SPAG16: variants seen among roughly 807,000 people sequenced by gnomAD.
SPAG16 encodes the protein sperm-associated antigen 16 protein.
In SPAG16, 86 loss-of-function variants were observed where a neutral mutation model predicts 80.4. The ratio of observed to expected loss-of-function variants is 1.07; its 90% CI spans 0.90 to 1.28. The LOEUF (loss-of-function observed/expected upper bound fraction) is 1.28. Ranked by LOEUF, SPAG16 falls within the 50% of genes most tolerant of loss-of-function variation. The pLI is 0.00. For synonymous variants in SPAG16, 294 were observed against 265.9 expected (o/e 1.11, Z -1.03); for missense variants, 870 against 765.3 (o/e 1.14, Z -1.61).
intron 4 of SPAG16, among the ~76,000 whole-genome samples, chr2:213,312,307 T>C (rs1255495622): frequency 6.6e-6 from 1 of 151,704 alleles, no homozygotes; most frequent in Non-Finnish European, 1.5e-5. Flanking sequence ...TTTATATGCC[T>C]ATTTTAGAAT....
chr2:213,735,558 C>T (rs1159265467), intron 10 of SPAG16, among the ~76,000 whole-genome samples: 1 of 152,068 alleles, frequency 6.6e-6, no homozygotes, highest in African/African-American at 2.4e-5. Context: ...TGGTATCCAG[C>T]CATTAGTCAA....
chr2:213,352,385 A>G (rs961683554), intron 7 of SPAG16, among the ~76,000 whole-genome samples: 3 of 152,062 alleles, frequency 2.0e-5, no homozygotes, highest in Non-Finnish European at 2.9e-5. Flanking sequence ...TTTATTCTAT[A>G]TCCTGAGGTA....
intron 10 of SPAG16, among the ~76,000 whole-genome samples, chr2:213,704,776 G>A (rs1311572755): frequency 6.6e-6 from 1 of 152,196 alleles, no homozygotes; most frequent in East Asian, 1.9e-4. Context: ...GCATTGAAGA[G>A]TTATTGGAGA....
At chr2:214,400,803 C>A (rs916230208) in intron 15 of SPAG16, among the ~76,000 whole-genome samples, 1 of 152,000 alleles carries the variant, frequency 6.6e-6, no homozygotes, top group Non-Finnish European at 1.5e-5. Context: ...AATCTGTTGA[C>A]TAGAGCTCTG....
intron 10 of SPAG16, among the ~76,000 whole-genome samples, chr2:213,521,828 C>T (rs2075683629): frequency 6.6e-6 from 1 of 152,138 alleles, no homozygotes; most frequent in South Asian, 2.1e-4. Flanking sequence ...TATGTGTTAC[C>T]ATTACAAATG....
chr2:213,380,489 G>A (rs142273339), intron 9 of SPAG16, among the ~76,000 whole-genome samples: 1 of 152,220 alleles, frequency 6.6e-6, no homozygotes, highest in African/African-American at 2.4e-5. Context: ...GTGCCTTCGG[G>A]ACCTGCTTGA....
intron 9 of SPAG16, among the ~76,000 whole-genome samples, chr2:213,376,947 C>A (rs1394901965): frequency 6.6e-6 from 1 of 152,136 alleles, no homozygotes; most frequent in African/African-American, 2.4e-5. Context: ...CTCTCTTCTA[C>A]TTCATTGGCT....
At chr2:213,976,048 C>T (rs1007224359) in intron 12 of SPAG16, among the ~76,000 whole-genome samples, 10 of 149,600 alleles carry the variant, frequency 6.7e-5, no homozygotes, top group African/African-American at 2.5e-4. Context: ...CAGCTTCATA[C>T]AGCTTCTCAT....
chr2:214,043,023 T>G (rs1362600790), intron 13 of SPAG16, among the ~76,000 whole-genome samples: 2 of 152,036 alleles, frequency 1.3e-5, no homozygotes, highest in African/African-American at 4.8e-5. Flanking sequence ...ATATTCAAGC[T>G]TTACTAAATA....
intron 13 of SPAG16, among the ~76,000 whole-genome samples, chr2:214,034,732 A>C (rs2048596867): frequency 6.6e-6 from 1 of 152,206 alleles, no homozygotes. Flanking sequence ...TGGAAGCTTT[A>C]AGATGCCAGG....
rs188790946 is a variant in SPAG16, at chr2:213,710,900, C to T, written c.1071-151585C>T. ...CATTTACTAATGAGCATATTGTTTC[C>T]TCATCACATGCTAGGCAAACAGAAA... On this transcript the variant is annotated intron_variant, in intron 10 of 15. Coordinates refer to ENST00000331683, the MANE Select transcript of SPAG16 (RefSeq NM_024532.5). 2.2e-3 allele frequency among the ~76,000 whole-genome samples: 328 copies of T among 152,190 alleles called. 1 individual carries two copies. Among genetic ancestry groups the T allele is most frequent in the South Asian group, 0.02 (97 of 4,828 alleles).
intron 10 of SPAG16, among the ~76,000 whole-genome samples, chr2:213,738,475 T>G (rs537341391): frequency 5.9e-5 from 9 of 152,314 alleles, no homozygotes; most frequent in Non-Finnish European, 1.3e-4. Flanking sequence ...ACTAATTTAT[T>G]TCATAACAGT....
intron 13 of SPAG16, among the ~76,000 whole-genome samples, chr2:214,090,883 T>A (rs2052142756): frequency 6.6e-6 from 1 of 152,062 alleles, no homozygotes; most frequent in South Asian, 2.1e-4. Context: ...TTAAAGGCAT[T>A]CTATAAATAT....
At chr2:213,930,831 C>T (rs1161857345) in intron 12 of SPAG16, among the ~76,000 whole-genome samples, 1 of 152,110 alleles carries the variant, frequency 6.6e-6, no homozygotes, top group Admixed American at 6.5e-5. Context: ...ATCAAATATG[C>T]TAATTCCTTC....
At chr2:213,652,654 A>AT (rs1005321774) in intron 10 of SPAG16, among the ~76,000 whole-genome samples, 1 of 152,020 alleles carries the variant, frequency 6.6e-6, no homozygotes, top group Non-Finnish European at 1.5e-5. Flanking sequence ...TATATCAGAC[A>AT]TTTTTTTCAT....
intron 12 of SPAG16, among the ~76,000 whole-genome samples, chr2:213,993,623 A>G (rs537189681): frequency 5.4e-4 from 82 of 152,318 alleles, no homozygotes; most frequent in African/African-American, 1.8e-3. Context: ...TAGCTTTTTA[A>G]GAAAGATTTG....
intron 4 of SPAG16, among the ~76,000 whole-genome samples, chr2:213,314,951 T>G (rs1189631846): frequency 6.6e-6 from 1 of 151,850 alleles, no homozygotes; most frequent in Non-Finnish European, 1.5e-5. Flanking sequence ...CAGGATATTC[T>G]ATGGGGGGGT....
At chr2:213,910,970 T>C (rs908787519) in intron 11 of SPAG16, among the ~76,000 whole-genome samples, 53 of 152,154 alleles carry the variant, frequency 3.5e-4, no homozygotes, top group African/African-American at 1.3e-3. Context: ...CCAAGTCTTC[T>C]TGCTTCTACA....
At chr2:213,572,944 G>T (rs150763337) in intron 10 of SPAG16, among the ~76,000 whole-genome samples, 1 of 152,172 alleles carries the variant, frequency 6.6e-6, no homozygotes, top group African/African-American at 2.4e-5. Context: ...CTCATGGTTC[G>T]CCGCTTTTTA....
Sources: gnomAD v4.1 joint callset for allele counts (sites outside exome capture counted in the v4.1 genomes callset) on GRCh38, gnomAD v4.1.1 for gene constraint, MANE v1.5 for transcripts, NCBI Gene and HGNC (gene_info 2026-07-23, HGNC 2026-07-21) for gene names.